PHLDB2: variants seen among roughly 807,000 people sequenced by gnomAD.
The protein encoded by PHLDB2 is pleckstrin homology like domain family B member 2.
PHLDB2 carries 71 observed loss-of-function variants against 123.6 expected under a neutral mutation model. That is an observed-to-expected ratio of 0.57 (90% CI 0.47 to 0.70). The LOEUF (loss-of-function observed/expected upper bound fraction) is 0.70. Ranked by LOEUF, PHLDB2 falls within the 30% of genes least tolerant of loss-of-function variation. PHLDB2 has a pLI of 0.00. For missense variants in PHLDB2, 1,446 were observed against 1,519.5 expected (o/e 0.95, Z 0.80); for synonymous variants, 547 against 541.6 (o/e 1.01, Z -0.14).
intron 12 of PHLDB2, among the ~76,000 whole-genome samples, chr3:111,961,643 T>C (rs183352057): frequency 6.6e-6 from 1 of 152,316 alleles, no homozygotes; most frequent in East Asian, 1.9e-4. Context: ...AATCCTACAC[T>C]TGAAAGATTC....
In PHLDB2 at chr3:111,874,988, G is replaced by A. The variant is rs78716771; in HGVS notation, c.-14-9076G>A. ...TCTAGAGACTTTTTATAACAATTCTGTTAGCTTTATTCATATCAGAGAAAT... is the reference window on the plus strand; with the variant it reads ...TCTAGAGACTTTTTATAACAATTCTATTAGCTTTATTCATATCAGAGAAAT... On this transcript the variant is annotated intron_variant, in intron 1 of 17. Coordinates refer to ENST00000431670, the MANE Select transcript of PHLDB2 (RefSeq NM_001134438.2). Among the ~76,000 whole-genome samples the A allele has an allele frequency of 0.015, 2,259 of 152,240 alleles. 106 individuals are homozygous for A. In the South Asian group the frequency reaches 0.16, roughly 11 times the overall value.
At chr3:111,963,373 T>C (rs570481585) in intron 13 of PHLDB2, among the ~76,000 whole-genome samples, 16 of 152,304 alleles carry the variant, frequency 1.1e-4, no homozygotes, top group South Asian at 6.2e-4. Flanking sequence ...ATAATGATAA[T>C]AGTAATAATA....
chr3:111,810,905 G>T (rs1391555172), intron 1 of PHLDB2, among the ~76,000 whole-genome samples: 1 of 152,198 alleles, frequency 6.6e-6, no homozygotes, highest in Admixed American at 6.5e-5. Context: ...TGTTTGATCT[G>T]TGTAGGGATG....
chr3:111,862,290 A>T (rs2064870630), intron 1 of PHLDB2, among the ~76,000 whole-genome samples: 1 of 152,192 alleles, frequency 6.6e-6, no homozygotes, highest in African/African-American at 2.4e-5. Flanking sequence ...CCTGTGCCTT[A>T]TGAATCTATC....
chr3:111,966,779 T>C (rs1240806094), intron 14 of PHLDB2, 76 bp downstream of exon 14: 5 of 1,114,254 alleles, frequency 4.5e-6, no homozygotes, highest in East Asian at 4.8e-5. Context: ...CAGACAATAC[T>C]CCTCCTTAAG....
intron 1 of PHLDB2, among the ~76,000 whole-genome samples, chr3:111,838,322 G>C (rs1021815292): frequency 1.3e-5 from 2 of 152,076 alleles, no homozygotes; most frequent in African/African-American, 4.8e-5. Flanking sequence ...TGTTTAAAAA[G>C]TTCCTCAGTA....
intron 1 of PHLDB2, among the ~76,000 whole-genome samples, chr3:111,825,390 G>T (rs1328913481): frequency 6.6e-6 from 1 of 152,144 alleles, no homozygotes; most frequent in Non-Finnish European, 1.5e-5. Flanking sequence ...AAATCATATT[G>T]ACCATGCTTA....
intron 1 of PHLDB2, among the ~76,000 whole-genome samples, chr3:111,869,875 C>T (rs1278635398): frequency 6.6e-6 from 1 of 152,222 alleles, no homozygotes; most frequent in Non-Finnish European, 1.5e-5. Flanking sequence ...AAACATCCTC[C>T]TTGGAGAATA....
intron 1 of PHLDB2, among the ~76,000 whole-genome samples, chr3:111,867,720 G>C (rs920024026): frequency 1.3e-5 from 2 of 151,368 alleles, no homozygotes; most frequent in Non-Finnish European, 2.9e-5. Context: ...TTATTTTTTT[G>C]AGATAGGGTC....
At chr3:111,780,343 G>C (rs889604664) in intron 1 of PHLDB2, among the ~76,000 whole-genome samples, 2 of 15,774 alleles carry the variant, frequency 1.3e-4, no homozygotes, top group Non-Finnish European at 3.8e-4. Flanking sequence ...AGAAGAAGAA[G>C]AAGAAGAAGA....
At chr3:111,764,583 A>T (rs935672389) in intron 1 of PHLDB2, among the ~76,000 whole-genome samples, 1 of 151,276 alleles carries the variant, frequency 6.6e-6, no homozygotes, top group African/African-American at 2.4e-5. Flanking sequence ...GAACTATGAT[A>T]AAAAAAAATA....
At chr3:111,824,396 G>T (rs1304319781) in intron 1 of PHLDB2, among the ~76,000 whole-genome samples, 3 of 152,044 alleles carry the variant, frequency 2.0e-5, no homozygotes, top group Admixed American at 2.0e-4. Flanking sequence ...ACCCCTTTCT[G>T]GCCAGGTATC....
chr3:111,972,332 A>G (rs1577235676), intron 16 of PHLDB2, among the ~76,000 whole-genome samples: 1 of 152,160 alleles, frequency 6.6e-6, no homozygotes, highest in Non-Finnish European at 1.5e-5. Context: ...AATATCGTCA[A>G]TGGGCAAATA....
chr3:111,736,467 C>T (rs527822449), intron 1 of PHLDB2, among the ~76,000 whole-genome samples: 1 of 152,146 alleles, frequency 6.6e-6, no homozygotes, highest in Non-Finnish European at 1.5e-5. Context: ...AGATAAGGAA[C>T]CTGAGACTCA....
chr3:111,737,419 T>G (rs1382517043), intron 1 of PHLDB2, among the ~76,000 whole-genome samples: 4 of 152,110 alleles, frequency 2.6e-5, no homozygotes, highest in Admixed American at 1.3e-4. Context: ...TTTTGGGCAG[T>G]GATCAAGCAG....
intron 13 of PHLDB2, 63 bp from the exon 14 acceptor site, chr3:111,966,540 GTGTGTGTGTA>G (rs2071781408): frequency 2.3e-6 from 2 of 878,130 alleles, no homozygotes; most frequent in Non-Finnish European, 3.7e-6. Flanking sequence ...GTGTGTGTGT[GTGTGTGTGTA>G]TGTATTAGAG....
At chr3:111,848,461 A>G (rs1293628754) in intron 2 of PHLDB2, among the ~76,000 whole-genome samples, 1 of 152,184 alleles carries the variant, frequency 6.6e-6, no homozygotes, top group Admixed American at 6.5e-5. Flanking sequence ...TTGCTCATCA[A>G]TGCTCAGCAG....
At chr3:111,785,442 T>C (rs546675904) in intron 1 of PHLDB2, among the ~76,000 whole-genome samples, 14 of 152,302 alleles carry the variant, frequency 9.2e-5, no homozygotes, top group African/African-American at 3.1e-4. Context: ...CTTATGTGAC[T>C]TATATCCTTG....
chr3:111,780,831 A>G lies in PHLDB2; in HGVS notation c.-49+48128A>G, dbSNP rs145528704. 1.3e-4 allele frequency among the ~76,000 whole-genome samples: 20 copies of G among 152,196 alleles called. No individual in the cohort carries two copies. The East Asian group carries it at 2.7e-3, about 21-fold the overall frequency. On this transcript the variant is annotated intron_variant, in intron 1 of 17. Transcript: ENST00000393923. ...ACAGGATCTTATAACAGATGTTGAT[A>G]GGTGTTTTCATATGTGAGTGCATTA...
Sources: allele counts gnomAD v4.1 joint callset (sites outside exome capture counted in the v4.1 genomes callset), GRCh38; gene constraint gnomAD v4.1.1; transcripts MANE v1.5; gene names NCBI Gene and HGNC (gene_info 2026-07-23, HGNC 2026-07-21).